NMUR2: variants seen among roughly 807,000 people sequenced by gnomAD.
The protein encoded by NMUR2 is neuromedin U receptor 2.
A neutral mutation model predicts 25.1 loss-of-function variants in NMUR2; 24 were observed. The ratio of observed to expected loss-of-function variants is 0.96; its 90% CI spans 0.69 to 1.34. NMUR2 has a LOEUF of 1.34. Ranked by LOEUF, NMUR2 falls within the 40% of genes most tolerant of loss-of-function variation. The pLI, the probability that NMUR2 is intolerant of heterozygous loss-of-function variation, is 0.00. For synonymous variants in NMUR2, 218 were observed against 208.1 expected (o/e 1.05, Z -0.41); for missense variants, 533 against 512.8 (o/e 1.04, Z -0.38).
In NMUR2 at chr5:152,405,255, G is replaced by A; in HGVS notation, c.-142C>T. The A allele has an allele frequency of 2.0e-6, 2 of 996,668 alleles. No individual in the cohort carries two copies. The highest frequency in any genetic ancestry group is 2.6e-5 in the East Asian group (1 of 39,082). 61.7% of individuals were successfully genotyped at this position (996,668 alleles called of 1,614,324 possible). On this transcript the variant is annotated 5_prime_UTR_variant, in exon 1 of 4. Coordinates refer to ENST00000255262, the MANE Select transcript of NMUR2 (RefSeq NM_020167.5). ...AGGCTTCGTAAGGAAGGCTGGGAGAGAGTGAGTGTTTCACCCTCCAGGTTA... is the reference window on the plus strand; with the variant it reads ...AGGCTTCGTAAGGAAGGCTGGGAGAAAGTGAGTGTTTCACCCTCCAGGTTA...
rs1412964234 is a variant in NMUR2, at chr5:152,392,316, T to G, written c.1123A>C (p.Thr375Pro). 6.2e-7 allele frequency: 1 copy of G among 1,613,984 alleles called. No homozygotes were observed. Among genetic ancestry groups the G allele is most frequent in the Non-Finnish European group, 8.5e-7 (1 of 1,179,940 alleles). ...GGGAATTGGGGACCTATATCTTCGG[T>G]CAGCTCCACAAAGTGGCATTCTGTC... ...FLTECHFVEL[T>P]EDIGPQFPCQ... The change falls in exon 4 of 4, where the codon ACC becomes CCC. Residue 375 changes from threonine (T) to proline (P), a missense_variant. Coordinates refer to ENST00000255262, the MANE Select transcript of NMUR2 (RefSeq NM_020167.5).
At chr5:152,398,272 A>C (rs1267059991) in intron 1 of NMUR2, 128 bp from the exon 2 acceptor site, 1 of 652,548 alleles carries the variant, frequency 1.5e-6, no homozygotes, top group Non-Finnish European at 2.7e-6. Flanking sequence ...GAAATGTAAG[A>C]CTACGTCAAA....
At chr5:152,393,286 TC>T (rs1330651985) in intron 3 of NMUR2, among the ~76,000 whole-genome samples, 4 of 152,062 alleles carry the variant, frequency 2.6e-5, no homozygotes, top group Non-Finnish European at 5.9e-5. Context: ...CTAACCCACC[TC>T]CCTGGATTAT....
Position 152,391,701 on chromosome 5 carries a change from A to G in NMUR2, c.*490T>C, listed in dbSNP as rs1753062399. 1.3e-5 allele frequency: 2 copies of G among 153,308 alleles called. No homozygotes were observed. The highest frequency in any genetic ancestry group is 2.9e-5 in the Non-Finnish European group (2 of 68,806). 9.5% of individuals were successfully genotyped at this position (153,308 alleles called of 1,614,324 possible). On this transcript the variant is annotated 3_prime_UTR_variant, in exon 4 of 4. Transcript: ENST00000255262. ...TAAAAGTGCAATATTTGAGAAGCACAATAAAATTCAGCACAATAAAACAAG... is the reference window on the plus strand; with the variant it reads ...TAAAAGTGCAATATTTGAGAAGCACGATAAAATTCAGCACAATAAAACAAG...
At chr5:152,397,941 C>T (rs1753187176) in intron 2 of NMUR2, 119 bp downstream of exon 2, 3 of 675,732 alleles carry the variant, frequency 4.4e-6, no homozygotes, top group South Asian at 1.9e-5. Context: ...AATCTACTCT[C>T]ATAAATACTC....
At chr5:152,394,784 C>T (rs1753121105) in intron 3 of NMUR2, among the ~76,000 whole-genome samples, 1 of 148,166 alleles carries the variant, frequency 6.7e-6, no homozygotes, top group African/African-American at 2.5e-5. Context: ...TTAAAGAGCT[C>T]TTTAATGTCT....
In NMUR2 at chr5:152,402,396, C is replaced by T. The variant is rs565805210; in HGVS notation, c.726+1992G>A. Among the ~76,000 whole-genome samples, 194 of 152,236 alleles carry T rather than the reference C, an allele frequency of 1.3e-3. 1 individual carries two copies. The highest frequency in any genetic ancestry group is 4.3e-3 in the African/African-American group (179 of 41,530). ...ATTCTTCTAGAAGTGACTTTGTAAG[C>T]GTTAGTTTCTTTCCTGGTGTCCTCT... On this transcript the variant is annotated intron_variant, in intron 1 of 3. Transcript: ENST00000255262.
chr5:152,401,720 T>G (rs1477245054), intron 1 of NMUR2, among the ~76,000 whole-genome samples: 1 of 152,170 alleles, frequency 6.6e-6, no homozygotes, highest in Non-Finnish European at 1.5e-5. Flanking sequence ...CTATTTTCTA[T>G]CTCTATAATG....
At chr5:152,399,489 T>C (rs115974918) in intron 1 of NMUR2, among the ~76,000 whole-genome samples, 1,786 of 152,274 alleles carry the variant, frequency 0.012, 33 homozygotes, top group African/African-American at 0.041. Context: ...TCATTTATTT[T>C]TTATTGGGAC....
intron 1 of NMUR2, among the ~76,000 whole-genome samples, chr5:152,400,832 C>A (rs931219913): frequency 2.0e-5 from 3 of 152,116 alleles, no homozygotes; most frequent in African/African-American, 7.2e-5. Flanking sequence ...AATTTCTCCA[C>A]CCCAAGGAAC....
At chr5:152,395,313 T>C in intron 3 of NMUR2, 146 bp downstream of exon 3, 1 of 868,998 alleles carries the variant, frequency 1.2e-6, no homozygotes, top group Non-Finnish European at 1.8e-6. Flanking sequence ...ATAATCAATC[T>C]CTGAATAAAA....
rs138899890 is a variant in NMUR2, at chr5:152,401,373, G to A, written c.726+3015C>T. 2.2e-3 allele frequency among the ~76,000 whole-genome samples: 332 copies of A among 152,234 alleles called. 2 individuals carry two copies. Among genetic ancestry groups the A allele is most frequent in the Non-Finnish European group, 3.4e-3 (234 of 68,010 alleles). ...GAAGAGCAAAGTGAAAGGGAGGTTCGCGAGGTTATTATTCAGGTTGATACA... is the reference window on the plus strand; with the variant it reads ...GAAGAGCAAAGTGAAAGGGAGGTTCACGAGGTTATTATTCAGGTTGATACA... On this transcript the variant is annotated intron_variant, in intron 1 of 3. Coordinates refer to ENST00000255262, the MANE Select transcript of NMUR2 (RefSeq NM_020167.5).
intron 2 of NMUR2, among the ~76,000 whole-genome samples, 155 bp downstream of exon 2, chr5:152,397,905 A>T (rs716257): frequency 1.3e-5 from 2 of 151,926 alleles, no homozygotes; most frequent in South Asian, 4.1e-4. Flanking sequence ...TTCATTATAT[A>T]TCTCTCCCCT....
chr5:152,395,474 C>T lies in NMUR2; in HGVS notation c.922G>A (p.Val308Ile), dbSNP rs200217677. ...SESLAAVFNL[V>I]HVVSGVFFYL... The stretch of plus-strand genomic sequence containing the variant: ...AAGGTTTTACCTGACACCACATGGA[C>T]GAGGTTGAACACAGCAGCCAGGGAT... The change falls in exon 3 of 4, where the codon GTC becomes ATC. Residue 308 changes from valine to isoleucine, a missense_variant. Coordinates refer to ENST00000255262, the MANE Select transcript of NMUR2 (RefSeq NM_020167.5). 2.7e-5 allele frequency: 44 copies of T among 1,613,270 alleles called. No individual in the cohort carries two copies. The East Asian group carries it at 3.3e-4, about 12-fold the overall frequency.
Position 152,404,893 on chromosome 5 carries a change from TG to T in NMUR2, c.220del (p.Gln74ArgfsTer3), listed in dbSNP as rs1753329084. The T allele has an allele frequency of 6.2e-7, 1 of 1,613,722 alleles. No homozygotes were observed. The highest frequency in any genetic ancestry group is 1.3e-5 in the African/African-American group (1 of 74,838). On this transcript the variant is annotated frameshift_variant, in exon 1 of 4. Coordinates refer to ENST00000255262, the MANE Select transcript of NMUR2 (RefSeq NM_020167.5). LOFTEE classifies it high-confidence loss of function. The part of the protein sequence containing the change: ...VLVCLVILQH[Q>X]AMKTPTNYYL... Reference sequence around the variant, plus strand: ...GTAGTTGGTGGGCGTCTTCATAGCCTGGTGCTGCAGAATCACCAGGCACACC... The same window carrying T: ...GTAGTTGGTGGGCGTCTTCATAGCCTGTGCTGCAGAATCACCAGGCACACC...
Position 152,404,745 on chromosome 5 carries a change from C to A in NMUR2, c.369G>T (p.Thr123=). Residue 123 remains threonine, a synonymous_variant, in exon 1 of 4, where the codon ACG becomes ACT. Coordinates refer to ENST00000255262, the MANE Select transcript of NMUR2 (RefSeq NM_020167.5). ...CGAAGCACACGGTCTCAAAGAGGGCCGTCTTGAAGTAGCAGCCCACGGGCC... is the reference window on the plus strand; with the variant it reads ...CGAAGCACACGGTCTCAAAGAGGGCAGTCTTGAAGTAGCAGCCCACGGGCC... The part of the protein sequence containing the change: ...LFGPVGCYFK[T]ALFETVCFAS... The A allele has an allele frequency of 6.2e-7, 1 of 1,614,118 alleles. No homozygotes were observed. The highest frequency in any genetic ancestry group is 1.6e-4 in the Middle Eastern group (1 of 6,062).
intron 1 of NMUR2, among the ~76,000 whole-genome samples, chr5:152,402,406 T>C (rs1580890615): frequency 6.6e-6 from 1 of 152,332 alleles, no homozygotes; most frequent in African/African-American, 2.4e-5. Context: ...CGTTAGTTTC[T>C]TTCCTGGTGT....
At chr5:152,395,608 G>A in intron 2 of NMUR2, 24 bp from the exon 3 acceptor site, 1 of 1,611,724 alleles carries the variant, frequency 6.2e-7, no homozygotes, top group Non-Finnish European at 8.5e-7. Context: ...ATAAATGGGA[G>A]ACCAGAAGAC....
At chr5:152,401,257 C>A (rs972547926) in intron 1 of NMUR2, among the ~76,000 whole-genome samples, 2 of 152,180 alleles carry the variant, frequency 1.3e-5, no homozygotes, top group Admixed American at 6.5e-5. Flanking sequence ...TTTGTGATTA[C>A]TATTACTAAA....
Sources: allele counts gnomAD v4.1 joint callset (sites outside exome capture counted in the v4.1 genomes callset), GRCh38; gene constraint gnomAD v4.1.1; transcripts MANE v1.5; gene names NCBI Gene and HGNC (gene_info 2026-07-23, HGNC 2026-07-21).